Variants in TRDMT1 observed in about 807,000 individuals in gnomAD.
The protein encoded by TRDMT1 is tRNA aspartic acid methyltransferase 1.
Under a neutral mutation model 51.2 loss-of-function variants are expected in TRDMT1, and 49 were observed. The ratio of observed to expected loss-of-function variants is 0.96; its 90% confidence interval spans 0.76 to 1.21. TRDMT1 has a LOEUF of 1.21. Ranked by LOEUF, TRDMT1 falls within the 50% of genes most tolerant of loss-of-function variation. The pLI is 0.00. For missense variants in TRDMT1, 534 were observed against 462.3 expected (o/e 1.16, Z -1.42); for synonymous variants, 187 against 164.6 (o/e 1.14, Z -1.04).
Position 17,144,904 on chromosome 10 carries a change from A to G in TRDMT1, c.*4136T>C. ...ATGATGCACACAGGTTGACTCATGC[A>G]AACTGAAACTAAAGAACATGTGCAA... On this transcript the variant is annotated 3_prime_UTR_variant, in exon 11 of 11. Coordinates refer to ENST00000377799, the MANE Select transcript of TRDMT1 (RefSeq NM_004412.7). 1.0e-6 allele frequency: 1 copy of G among 985,400 alleles called. No homozygotes were observed. Among genetic ancestry groups the G allele is most frequent in the African/African-American group, 1.7e-5 (1 of 57,346 alleles). The allele number at this position is 985,400 out of a possible 1,614,324, so 61.0% of individuals were successfully genotyped here.
At position 17,138,844 on chromosome 10, in the gene TRDMT1, G is replaced by C. The variant is rs1022525872; in HGVS notation, c.*10196C>G. On this transcript the variant is annotated 3_prime_UTR_variant, in exon 11 of 11. Coordinates refer to ENST00000377799, the MANE Select transcript of TRDMT1 (RefSeq NM_004412.7). ...CAAATCCAGAGGGACAAACGCAATAGGGGAATAGGGCTTTGGAGGAGGAGC... is the reference window on the plus strand; with the variant it reads ...CAAATCCAGAGGGACAAACGCAATACGGGAATAGGGCTTTGGAGGAGGAGC... 1.3e-5 allele frequency among the ~76,000 whole-genome samples: 2 copies of C among 152,070 alleles called. No homozygotes were observed. The highest frequency in any genetic ancestry group is 2.9e-5 in the Non-Finnish European group (2 of 68,024).
In TRDMT1 at chr10:17,143,773, AGAGT is replaced by A; in HGVS notation, c.*5263_*5266del. 2 of 984,630 alleles carry A rather than the reference AGAGT, an allele frequency of 2.0e-6. No homozygotes were observed. Among genetic ancestry groups the A allele is most frequent in the South Asian group, 4.7e-5 (1 of 21,288 alleles). The allele number at this position is 984,630 out of a possible 1,614,324, so 61.0% of individuals were successfully genotyped here. A position where few individuals can be genotyped will look rare whatever the true frequency, so the allele number is the denominator to read the frequency against. ...TAACAGAAGCTGACCAATGGAATGC[AGAGT>A]GAGAAGGAAGGTGAAGATGATCTTT... On this transcript the variant is annotated 3_prime_UTR_variant, in exon 11 of 11. Transcript: ENST00000377799.
chr10:17,198,746 A>G (rs1845768149), intron 1 of TRDMT1, among the ~76,000 whole-genome samples: 1 of 152,246 alleles, frequency 6.6e-6, no homozygotes. Context: ...AACATTGTGA[A>G]TGTACTTAAT....
At chr10:17,180,651 T>C (rs573336643) in intron 1 of TRDMT1, among the ~76,000 whole-genome samples, 3 of 152,288 alleles carry the variant, frequency 2.0e-5, no homozygotes, top group Admixed American at 6.5e-5. Context: ...CTTCTACTTA[T>C]AACTGTCTAT....
intron 1 of TRDMT1, 49 bp from the exon 2 acceptor site, chr10:17,174,709 T>C (rs1842428180): frequency 1.5e-6 from 2 of 1,359,904 alleles, no homozygotes; most frequent in Non-Finnish European, 2.1e-6. Flanking sequence ...TTAAGTTCAT[T>C]ATAGAAAGAA....
chr10:17,179,666 C>A (rs973986417), intron 1 of TRDMT1, among the ~76,000 whole-genome samples: 11 of 149,838 alleles, frequency 7.3e-5, no homozygotes, highest in African/African-American at 2.5e-4. Flanking sequence ...AGATGAATTG[C>A]AGGAGAAATA....
chr10:17,195,305 A>G (rs551883417), intron 1 of TRDMT1, among the ~76,000 whole-genome samples: 9 of 152,230 alleles, frequency 5.9e-5, no homozygotes, highest in Non-Finnish European at 1.2e-4. Context: ...CCTTTGTAGC[A>G]ACATGGATGC....
intron 2 of TRDMT1, among the ~76,000 whole-genome samples, chr10:17,170,984 AAGTAC>A (rs1841905613): frequency 2.7e-5 from 4 of 149,922 alleles, no homozygotes. Flanking sequence ...TTCTCTGTGT[AAGTAC>A]ATTAGCTAAC....
chr10:17,150,849 T>C (rs1838598356), intron 10 of TRDMT1: 24 of 985,076 alleles, frequency 2.4e-5, no homozygotes, highest in Non-Finnish European at 2.9e-5. Context: ...TCTAAAATTA[T>C]TTACTTCAAA....
chr10:17,187,018 T>C (rs60155367), intron 1 of TRDMT1, among the ~76,000 whole-genome samples: 20,847 of 152,218 alleles, frequency 0.14, 1,508 homozygotes, highest in Admixed American at 0.17. Context: ...TCAGTGTTTA[T>C]GCATTAGCAT....
At chr10:17,194,333 G>T (rs542173517) in intron 1 of TRDMT1, among the ~76,000 whole-genome samples, 1 of 151,964 alleles carries the variant, frequency 6.6e-6, no homozygotes, top group South Asian at 2.1e-4. Context: ...ACAGACCTTC[G>T]GCACAGCTAA....
chr10:17,173,121 T>C (rs1404773371), intron 2 of TRDMT1, among the ~76,000 whole-genome samples: 1 of 152,144 alleles, frequency 6.6e-6, no homozygotes, highest in African/African-American at 2.4e-5. Context: ...CAATGTAAAA[T>C]GGTAAAAACA....
intron 6 of TRDMT1, among the ~76,000 whole-genome samples, chr10:17,159,680 A>G (rs1435674068): frequency 1.3e-5 from 2 of 152,190 alleles, no homozygotes; most frequent in East Asian, 1.9e-4. Context: ...TATGTTGCCA[A>G]TTTCCACAGC....
intron 1 of TRDMT1, among the ~76,000 whole-genome samples, chr10:17,194,566 T>C (rs1845121958): frequency 6.6e-6 from 1 of 152,100 alleles, no homozygotes; most frequent in Admixed American, 6.6e-5. Flanking sequence ...TCATCATCAC[T>C]AATCTTCAAG....
At position 17,177,004 on chromosome 10, in the gene TRDMT1, G is replaced by A. The variant is rs144782392; in HGVS notation, c.65-2344C>T. On this transcript the variant is annotated intron_variant, in intron 1 of 10. Coordinates refer to ENST00000377799, the MANE Select transcript of TRDMT1 (RefSeq NM_004412.7). ...GAGGCAGAATTTGGGAAAGGGATTC[G>A]TGAGTATCTTTTCATTGAAACAGAG... is the stretch of plus-strand genomic sequence containing the variant. Among the ~76,000 whole-genome samples the A allele has an allele frequency of 3.4e-4, 52 of 152,062 alleles. 3 individuals carry two copies. The highest frequency in any genetic ancestry group is 3.1e-3 in the Admixed American group (48 of 15,258).
chr10:17,147,485 T>C lies in TRDMT1; in HGVS notation c.*1555A>G. ...GTACACTCACACTGTTGTGCAACCA[T>C]CCTCCCCATCCACCTCCAGAACTTT... On this transcript the variant is annotated 3_prime_UTR_variant, in exon 11 of 11. Coordinates refer to ENST00000377799, the MANE Select transcript of TRDMT1 (RefSeq NM_004412.7). 1 of 392,120 alleles carries C rather than the reference T, an allele frequency of 2.6e-6. No homozygotes were observed. The highest frequency in any genetic ancestry group is 3.5e-6 in the Non-Finnish European group (1 of 287,736). The allele number at this position is 392,120 out of a possible 1,614,324, so 24.3% of individuals were successfully genotyped here.
rs1838041577 is a variant in TRDMT1, at chr10:17,145,653, C to G, written c.*3387G>C. 2.0e-6 allele frequency: 2 copies of G among 985,440 alleles called. No homozygotes were observed. Among genetic ancestry groups the G allele is most frequent in the African/African-American group, 3.5e-5 (2 of 57,364 alleles). The allele number at this position is 985,440 out of a possible 1,614,324, so 61.0% of individuals were successfully genotyped here. ...AACATAAGCAATTCAGGAAAACCCA[C>G]TTTAATCTCTTTGTCTATGTGGGAT... On this transcript the variant is annotated 3_prime_UTR_variant, in exon 11 of 11. Coordinates refer to ENST00000377799, the MANE Select transcript of TRDMT1 (RefSeq NM_004412.7).
At position 17,139,212 on chromosome 10, in the gene TRDMT1, C is replaced by A; in HGVS notation, c.*9828G>T. ...CTGTTCCAAATCAACCTAAAAAGGA[C>A]AAAATGAGTTTTCTACTTGGTGACC... On this transcript the variant is annotated 3_prime_UTR_variant, in exon 11 of 11. Transcript: ENST00000377799. 1 of 985,316 alleles carries A rather than the reference C, an allele frequency of 1.0e-6. No homozygotes were observed. Among genetic ancestry groups the A allele is most frequent in the South Asian group, 4.7e-5 (1 of 21,282 alleles). The allele number at this position is 985,316 out of a possible 1,614,324, so 61.0% of individuals were successfully genotyped here. A position where few individuals can be genotyped will look rare whatever the true frequency, so the allele number is the denominator to read the frequency against.
chr10:17,198,597 C>A (rs1845750477), intron 1 of TRDMT1, among the ~76,000 whole-genome samples: 1 of 152,044 alleles, frequency 6.6e-6, no homozygotes, highest in African/African-American at 2.4e-5. Context: ...GCAGAGTAGA[C>A]AAGTTCATAA....
Sources: gnomAD v4.1 joint callset for allele counts (sites outside exome capture counted in the v4.1 genomes callset) on GRCh38, gnomAD v4.1.1 for gene constraint, MANE v1.5 for transcripts, NCBI Gene and HGNC (gene_info 2026-07-23, HGNC 2026-07-21) for gene names.